Variants in STXBP6 observed in about 807,000 individuals in gnomAD.
The protein encoded by STXBP6 is syntaxin binding protein 6, also known as syntaxin-binding protein 6.
In STXBP6, 21 loss-of-function variants were observed where a neutral mutation model predicts 26.9. That is an observed-to-expected ratio of 0.78 (90% CI 0.55 to 1.12). The LOEUF (loss-of-function observed/expected upper bound fraction) is 1.12, where lower values mean the gene tolerates loss of function less well. Ranked by LOEUF, STXBP6 falls within the 50% of genes most tolerant of loss-of-function variation. The pLI is 0.00. For missense variants in STXBP6, 232 were observed against 257.9 expected (o/e 0.90, Z 0.69); for synonymous variants, 97 against 92.6 (o/e 1.05, Z -0.27).
At position 24,812,674 on chromosome 14, in the gene STXBP6, T is replaced by G; in HGVS notation, c.*35A>C. The G allele has an allele frequency of 2.5e-6, 4 of 1,608,662 alleles. No homozygotes were observed. The highest frequency in any genetic ancestry group is 3.4e-6 in the Non-Finnish European group (4 of 1,175,156). ...AAAACTGCTGAACAAACTCTTCAGT[T>G]TCTCTTAAGAAGAGTCACCAGGATA... On this transcript the variant is annotated 3_prime_UTR_variant, in exon 6 of 6. Coordinates refer to ENST00000323944, the MANE Select transcript of STXBP6 (RefSeq NM_001394410.1).
chr14:24,819,039 T>G lies in STXBP6; in HGVS notation c.607A>C (p.Lys203Gln), dbSNP rs2068063284. The part of the protein sequence containing the change: ...SAQQFAETAH[K>Q]LAMKHKC ...AGCCTGCTCCTCTCTTGGCCCACCTTGTGCGCAGTTTCTGCAAACTGCTGG... is the reference window on the plus strand; with the variant it reads ...AGCCTGCTCCTCTCTTGGCCCACCTGGTGCGCAGTTTCTGCAAACTGCTGG... The change falls in exon 5 of 6, where the codon AAG becomes CAG. Residue 203 changes from lysine to glutamine, a missense_variant and splice_region_variant. By Grantham distance (53) the Lys-to-Gln change is moderately conservative. Coordinates refer to ENST00000323944, the MANE Select transcript of STXBP6 (RefSeq NM_001394410.1). The G allele has an allele frequency of 6.3e-7, 1 of 1,585,936 alleles. No individual in the cohort carries two copies. Among genetic ancestry groups the G allele is most frequent in the Non-Finnish European group, 8.6e-7 (1 of 1,162,742 alleles).
intron 1 of STXBP6, among the ~76,000 whole-genome samples, chr14:24,996,627 G>C (rs2074608897): frequency 6.6e-6 from 1 of 151,864 alleles, no homozygotes; most frequent in Non-Finnish European, 1.5e-5. Context: ...TGAGGCAGGT[G>C]GATCAACTGA....
intron 2 of STXBP6, among the ~76,000 whole-genome samples, chr14:24,919,453 A>T (rs1566475779): frequency 2.6e-5 from 4 of 152,016 alleles, no homozygotes. Context: ...AAAAAAAACA[A>T]ATTTTAAGTT....
intron 2 of STXBP6, among the ~76,000 whole-genome samples, chr14:24,860,991 C>T (rs1205384299): frequency 6.6e-6 from 1 of 151,998 alleles, no homozygotes; most frequent in African/African-American, 2.4e-5. Flanking sequence ...ATTTACTATA[C>T]ACATTGAACT....
chr14:24,935,188 A>C (rs973325134), intron 2 of STXBP6, among the ~76,000 whole-genome samples: 2 of 152,208 alleles, frequency 1.3e-5, no homozygotes, highest in African/African-American at 4.8e-5. Context: ...ATGTGGGATC[A>C]TTAGATACAC....
At position 24,825,154 on chromosome 14, in the gene STXBP6, C is replaced by T. The variant is rs140902154; in HGVS notation, c.452-5960G>A. On this transcript the variant is annotated intron_variant, in intron 4 of 5. Transcript: ENST00000323944. ...GGAGAGGTATGGTATGCAGAGCTTC[C>T]CAAACATATTTACTTATAGGGCTTT... is the stretch of plus-strand genomic sequence containing the variant. 3.7e-3 allele frequency among the ~76,000 whole-genome samples: 565 copies of T among 152,166 alleles called. 3 individuals carry two copies. Among genetic ancestry groups the T allele is most frequent in the Non-Finnish European group, 6.5e-3 (444 of 68,004 alleles).
chr14:24,908,800 C>T (rs565559889), intron 2 of STXBP6, among the ~76,000 whole-genome samples: 4 of 152,252 alleles, frequency 2.6e-5, no homozygotes, highest in South Asian at 2.1e-4. Flanking sequence ...GTCAGAGGCT[C>T]GGCTGAGCTG....
rs546585777 is a variant in STXBP6, at chr14:25,024,202, A to G, written c.-33+25676T>C. ...CACACGCCTGTAGTCCCAGCTACTC[A>G]GGATGCTGAGGCAGAAGAATTGCTT... On this transcript the variant is annotated intron_variant, in intron 1 of 5. Transcript: ENST00000323944. Among the ~76,000 whole-genome samples the G allele has an allele frequency of 4.2e-3, 636 of 152,200 alleles. 19 individuals are homozygous for G. Among genetic ancestry groups the G allele is most frequent in the Admixed American group, 0.037 (561 of 15,266 alleles).
intron 2 of STXBP6, among the ~76,000 whole-genome samples, chr14:24,919,931 T>C (rs1163143490): frequency 2.0e-5 from 3 of 151,976 alleles, no homozygotes; most frequent in South Asian, 4.2e-4. Context: ...TTAGGTCAAA[T>C]TGAAAATGAC....
Position 25,003,029 on chromosome 14 carries a change from AT to A in STXBP6, c.-32-28180del, listed in dbSNP as rs2074802944. 2.6e-5 allele frequency among the ~76,000 whole-genome samples: 4 copies of A among 152,330 alleles called. No individual in the cohort carries two copies. The South Asian group carries it at 8.3e-4, about 32-fold the overall frequency. On this transcript the variant is annotated intron_variant, in intron 1 of 5. Transcript: ENST00000323944. Reference sequence around the variant, plus strand: ...GATGTGAGCCACCGCGGCCGGCCTAATGTACAGATTCTTAAATGTAAAGGTC... The same window carrying A: ...GATGTGAGCCACCGCGGCCGGCCTAAGTACAGATTCTTAAATGTAAAGGTC...
chr14:24,841,812 TCTTC>T (rs1161441006), intron 4 of STXBP6, among the ~76,000 whole-genome samples: 2 of 152,338 alleles, frequency 1.3e-5, no homozygotes, highest in East Asian at 3.9e-4. Context: ...TTTTCTAATT[TCTTC>T]CTTTATCTTT....
chr14:25,025,941 T>C (rs2075341713), intron 1 of STXBP6, among the ~76,000 whole-genome samples: 1 of 152,166 alleles, frequency 6.6e-6, no homozygotes, highest in Admixed American at 6.5e-5. Context: ...AACTGCCCTT[T>C]CCATAGCTTT....
intron 1 of STXBP6, among the ~76,000 whole-genome samples, chr14:25,040,013 T>C (rs2075617693): frequency 1.3e-5 from 2 of 152,198 alleles, no homozygotes; most frequent in Non-Finnish European, 2.9e-5. Flanking sequence ...CTAGCCAGAA[T>C]CTGTATCTCA....
intron 2 of STXBP6, among the ~76,000 whole-genome samples, chr14:24,901,979 A>G (rs1207552460): frequency 6.6e-6 from 1 of 152,172 alleles, no homozygotes; most frequent in East Asian, 1.9e-4. Context: ...TACCCTTAAG[A>G]TGTGTGCATT....
chr14:24,884,615 C>A (rs1258285139), intron 2 of STXBP6, among the ~76,000 whole-genome samples: 1 of 152,184 alleles, frequency 6.6e-6, no homozygotes, highest in Non-Finnish European at 1.5e-5. Flanking sequence ...AGAGACTGTG[C>A]CTCTGTGTCT....
intron 2 of STXBP6, among the ~76,000 whole-genome samples, chr14:24,901,254 T>C (rs1317859087): frequency 6.6e-6 from 1 of 152,038 alleles, no homozygotes; most frequent in East Asian, 1.9e-4. Context: ...TCCTCAAATC[T>C]AGTGATTTAC....
chr14:24,910,039 C>T (rs542467160), intron 2 of STXBP6, among the ~76,000 whole-genome samples: 18 of 152,032 alleles, frequency 1.2e-4, no homozygotes, highest in Admixed American at 1.0e-3. Flanking sequence ...CAGTTGAGAC[C>T]TCTGATCACA....
At chr14:24,852,908 C>T (rs1243513518) in intron 4 of STXBP6, among the ~76,000 whole-genome samples, 2 of 152,112 alleles carry the variant, frequency 1.3e-5, no homozygotes, top group Non-Finnish European at 2.9e-5. Flanking sequence ...GGCATCTTAT[C>T]TTTACGACTT....
intron 2 of STXBP6, among the ~76,000 whole-genome samples, chr14:24,938,597 A>G (rs1297806607): frequency 1.4e-5 from 2 of 145,374 alleles, no homozygotes; most frequent in African/African-American, 5.2e-5. Flanking sequence ...AAAACCAGGA[A>G]AAAAAAAAAA....
Sources: gnomAD v4.1 joint callset for allele counts (sites outside exome capture counted in the v4.1 genomes callset) on GRCh38, gnomAD v4.1.1 for gene constraint, MANE v1.5 for transcripts, NCBI Gene and HGNC (gene_info 2026-07-23, HGNC 2026-07-21) for gene names.